Variants in SKAP2 observed in about 807,000 individuals in gnomAD.
SKAP2 encodes the protein src kinase associated phosphoprotein 2.
SKAP2 carries 28 observed loss-of-function variants against 54.9 expected under a neutral mutation model. That is an observed-to-expected ratio of 0.51 (90% CI 0.38 to 0.70). The LOEUF (loss-of-function observed/expected upper bound fraction) is 0.70, where lower values mean the gene tolerates loss of function less well. Ranked by LOEUF, SKAP2 falls within the 30% of genes least tolerant of loss-of-function variation. The pLI, the probability that SKAP2 is intolerant of heterozygous loss-of-function variation, is 0.00. For missense variants in SKAP2, 356 were observed against 424.1 expected (o/e 0.84, Z 1.41); for synonymous variants, 137 against 134.3 (o/e 1.02, Z -0.14).
At chr7:26,745,157 G>C (rs1003044587) in intron 4 of SKAP2, among the ~76,000 whole-genome samples, 2 of 152,010 alleles carry the variant, frequency 1.3e-5, no homozygotes, top group African/African-American at 2.4e-5. Context: ...CTTTCACATA[G>C]GGTAATTTTT....
intron 4 of SKAP2, among the ~76,000 whole-genome samples, chr7:26,811,705 T>C (rs1784150190): frequency 6.6e-6 from 1 of 152,178 alleles, no homozygotes; most frequent in African/African-American, 2.4e-5. Context: ...TTTTGTTATG[T>C]ATCCCAAAAT....
chr7:26,696,612 T>A (rs941074633), intron 9 of SKAP2, among the ~76,000 whole-genome samples: 10 of 152,208 alleles, frequency 6.6e-5, no homozygotes, highest in African/African-American at 2.4e-4. Context: ...AAGGTTAATG[T>A]GATATAAAGG....
chr7:26,766,298 T>C (rs1037472172), intron 4 of SKAP2, among the ~76,000 whole-genome samples: 1 of 152,214 alleles, frequency 6.6e-6, no homozygotes, highest in African/African-American at 2.4e-5. Flanking sequence ...ATAGGAATGC[T>C]TGTGATTTTT....
At chr7:26,854,060 A>G in intron 3 of SKAP2, 77 bp downstream of exon 3, 1 of 890,460 alleles carries the variant, frequency 1.1e-6, no homozygotes, top group Non-Finnish European at 1.8e-6. Context: ...ATCAAATTTC[A>G]GTATGTGTTA....
At chr7:26,798,322 T>C (rs994968835) in intron 4 of SKAP2, among the ~76,000 whole-genome samples, 9 of 151,508 alleles carry the variant, frequency 5.9e-5, no homozygotes, top group African/African-American at 1.9e-4. Context: ...CCTAGAATAC[T>C]AGATTTGGTG....
chr7:26,765,324 T>C (rs572864118), intron 4 of SKAP2, among the ~76,000 whole-genome samples: 8 of 151,740 alleles, frequency 5.3e-5, no homozygotes, highest in Non-Finnish European at 1.2e-4. Flanking sequence ...TTTTGATGTT[T>C]TTTTTTCTTG....
At chr7:26,823,996 AG>A (rs1250459226) in intron 4 of SKAP2, among the ~76,000 whole-genome samples, 1 of 152,232 alleles carries the variant, frequency 6.6e-6, no homozygotes, top group Non-Finnish European at 1.5e-5. Flanking sequence ...AAGCAGTGGC[AG>A]GGTTTGAGAG....
chr7:26,766,435 C>T (rs1438937988), intron 4 of SKAP2, among the ~76,000 whole-genome samples: 1 of 152,150 alleles, frequency 6.6e-6, no homozygotes, highest in Non-Finnish European at 1.5e-5. Flanking sequence ...AATTTTACTT[C>T]CTCTCTTCCT....
chr7:26,726,013 A>G (rs745717678), intron 7 of SKAP2, 27 bp from the exon 8 acceptor site: 2 of 1,448,766 alleles, frequency 1.4e-6, no homozygotes, highest in East Asian at 2.3e-5. Flanking sequence ...AGTAAGAACG[A>G]AAATCACCAT....
rs551713978 is a variant in SKAP2 at position 26,803,957 on chromosome 7, T to C, written c.307+40073A>G. 2.0e-5 allele frequency among the ~76,000 whole-genome samples: 3 copies of C among 152,204 alleles called. No homozygotes were observed. The East Asian group carries it at 5.8e-4, about 29-fold the overall frequency. On this transcript the variant is annotated intron_variant, in intron 4 of 12. Coordinates refer to ENST00000345317, the MANE Select transcript of SKAP2 (RefSeq NM_003930.5). ...CATAGACACGGAGTGTAGAGGATGG[T>C]TATCAGAGGCGAGGAAGAGTAGTGG...
intron 4 of SKAP2, among the ~76,000 whole-genome samples, chr7:26,741,459 C>G (rs1185439057): frequency 6.6e-6 from 1 of 151,176 alleles, no homozygotes; most frequent in African/African-American, 2.4e-5. Flanking sequence ...GTGGGAGGAT[C>G]CCCCAAGAGG....
intron 4 of SKAP2, among the ~76,000 whole-genome samples, chr7:26,823,233 CTG>C (rs1354628756): frequency 6.6e-6 from 1 of 151,936 alleles, no homozygotes; most frequent in African/African-American, 2.4e-5. Context: ...TGAGACCAGC[CTG>C]TCCAACATGG....
rs147692029 is a variant in SKAP2 at position 26,862,369 on chromosome 7, C to T, written c.67+1994G>A. Among the ~76,000 whole-genome samples the T allele has an allele frequency of 8.5e-5, 13 of 152,074 alleles. No individual in the cohort carries two copies. The East Asian group carries it at 9.6e-4, about 11-fold the overall frequency. ...TGTTAAATTTCTTTAAACATAAATA[C>T]GCCCCAACTCACTTCCATACTTCTT... On this transcript the variant is annotated intron_variant, in intron 1 of 12. Transcript: ENST00000345317.
chr7:26,710,270 T>C (rs1787272882), intron 9 of SKAP2, among the ~76,000 whole-genome samples: 1 of 152,222 alleles, frequency 6.6e-6, no homozygotes, highest in Non-Finnish European at 1.5e-5. Context: ...AACCATCCAT[T>C]TGCTTGTTTG....
chr7:26,788,389 T>C (rs1171596738), intron 4 of SKAP2, among the ~76,000 whole-genome samples: 2 of 151,124 alleles, frequency 1.3e-5, no homozygotes, highest in Non-Finnish European at 3.0e-5. Flanking sequence ...AAGAAAAAAA[T>C]GTTATAAGAG....
chr7:26,658,081 C>G, the SKAP2 span, among the ~76,000 whole-genome samples: 1 of 152,174 alleles, frequency 6.6e-6, no homozygotes, highest in South Asian at 2.1e-4. Context: ...CAGTCGACTT[C>G]AACAAAGACC....
the SKAP2 span, among the ~76,000 whole-genome samples, chr7:26,654,840 A>T: frequency 6.6e-6 from 1 of 152,232 alleles, no homozygotes; most frequent in Non-Finnish European, 1.5e-5. Flanking sequence ...TGCAGACACT[A>T]CCAATAATTA....
intron 11 of SKAP2, 85 bp downstream of exon 11, chr7:26,684,651 T>A: frequency 1.4e-6 from 1 of 740,202 alleles, no homozygotes; most frequent in Non-Finnish European, 2.3e-6. Context: ...ATTGGCATTC[T>A]TCCCTAGCTC....
chr7:26,711,382 T>A (rs1445323877), intron 9 of SKAP2, among the ~76,000 whole-genome samples: 2 of 152,226 alleles, frequency 1.3e-5, no homozygotes, highest in African/African-American at 4.8e-5. Context: ...GTACCCACCC[T>A]ATACCTTGCA....
Sources: allele counts gnomAD v4.1 joint callset (sites outside exome capture counted in the v4.1 genomes callset), GRCh38; gene constraint gnomAD v4.1.1; transcripts MANE v1.5; gene names NCBI Gene and HGNC (gene_info 2026-07-23, HGNC 2026-07-21).